Variants in SYK observed in about 807,000 individuals in gnomAD.
SYK encodes the protein spleen associated tyrosine kinase.
Under a neutral mutation model 77.8 loss-of-function variants are expected in SYK, and 16 were observed. The ratio of observed to expected loss-of-function variants is 0.21; its 90% CI spans 0.14 to 0.31. The LOEUF is 0.31. Among genes scored for constraint, SYK ranks in the 10% least tolerant of loss-of-function variants. The pLI, the probability that SYK is intolerant of heterozygous loss-of-function variation, is 1.00. For synonymous variants in SYK, 312 were observed against 308.7 expected (o/e 1.01, Z -0.11); for missense variants, 529 against 814.4 (o/e 0.65, Z 4.26).
At chr9:90,865,220 G>A (rs1279408309) in intron 6 of SYK, 123 bp downstream of exon 6, 31 of 959,406 alleles carry the variant, frequency 3.2e-5, no homozygotes, top group East Asian at 1.7e-4. Context: ...AACATACTCC[G>A]TGATGAGCTG....
At chr9:90,812,747 G>GTGTGTGTA (rs763897427) in intron 1 of SYK, among the ~76,000 whole-genome samples, 2,915 of 86,750 alleles carry the variant, frequency 0.034, 38 homozygotes, top group East Asian at 0.075. Context: ...TGATATGTGT[G>GTGTGTGTA]TGTGTGTGTG....
intron 1 of SYK, among the ~76,000 whole-genome samples, chr9:90,830,244 C>T (rs1050131175): frequency 2.0e-5 from 3 of 152,218 alleles, no homozygotes; most frequent in African/African-American, 7.2e-5. Flanking sequence ...CACAGGCAGG[C>T]CTCAGGATGG....
chr9:90,805,212 T>C (rs1824774407), intron 1 of SYK, among the ~76,000 whole-genome samples: 1 of 152,210 alleles, frequency 6.6e-6, no homozygotes, highest in African/African-American at 2.4e-5. Flanking sequence ...CAGTTAAGAA[T>C]GTTGATGATT....
intron 6 of SYK, among the ~76,000 whole-genome samples, chr9:90,866,056 A>G (rs2780710): frequency 0.85 from 129,592 of 152,014 alleles, 55,760 homozygotes; most frequent in African/African-American, 0.96. Context: ...CCGCCACAAC[A>G]CCCGGCTAAT....
At chr9:90,846,035 C>A (rs1362304414) in intron 3 of SYK, among the ~76,000 whole-genome samples, 1 of 152,182 alleles carries the variant, frequency 6.6e-6, no homozygotes, top group Non-Finnish European at 1.5e-5. Context: ...AGGAAAAGTT[C>A]CTGGGAGTAG....
chr9:90,819,652 C>G (rs907766511), intron 1 of SYK, among the ~76,000 whole-genome samples: 2 of 152,038 alleles, frequency 1.3e-5, no homozygotes, highest in African/African-American at 4.8e-5. Flanking sequence ...CCTTGGGTCC[C>G]TCCCATAACA....
chr9:90,897,744 T>A lies in SYK; in HGVS notation c.*2144T>A, dbSNP rs1829046603. 2 of 223,424 alleles carry A rather than the reference T, an allele frequency of 9.0e-6. No individual in the cohort carries two copies. Among genetic ancestry groups the A allele is most frequent in the South Asian group, 3.7e-4 (2 of 5,438 alleles). The allele number at this position is 223,424 out of a possible 1,614,324, so 13.8% of individuals were successfully genotyped here. ...CAGGGGCCTCACCTCCCTGCAGAGG[T>A]CCGGCCAGGTCTCCTTGTCCCTGGA... is the stretch of plus-strand genomic sequence containing the variant. On this transcript the variant is annotated 3_prime_UTR_variant, in exon 14 of 14. Coordinates refer to ENST00000375754, the MANE Select transcript of SYK (RefSeq NM_003177.7).
chr9:90,806,860 G>A (rs536249515), intron 1 of SYK, among the ~76,000 whole-genome samples: 8 of 152,090 alleles, frequency 5.3e-5, no homozygotes, highest in African/African-American at 1.7e-4. Flanking sequence ...TATTATATAC[G>A]ACACCAACAT....
chr9:90,836,453 G>A (rs1171679117), intron 1 of SYK, among the ~76,000 whole-genome samples: 1 of 152,078 alleles, frequency 6.6e-6, no homozygotes, highest in African/African-American at 2.4e-5. Flanking sequence ...CACAGTCGAG[G>A]AAAATGTAAA....
At chr9:90,884,972 TATATATACCCA>T (rs1828505133) in intron 11 of SYK, among the ~76,000 whole-genome samples, 4 of 132,710 alleles carry the variant, frequency 3.0e-5, no homozygotes, top group Non-Finnish European at 4.7e-5. Flanking sequence ...TGTGTATATA[TATATATACCCA>T]ACATATATAT....
intron 11 of SYK, among the ~76,000 whole-genome samples, chr9:90,883,783 C>G (rs934222863): frequency 6.6e-6 from 1 of 152,068 alleles, no homozygotes; most frequent in African/African-American, 2.4e-5. Flanking sequence ...CACATCACAC[C>G]CACTCCCCAG....
intron 13 of SYK, among the ~76,000 whole-genome samples, chr9:90,892,672 G>GT (rs1284887085): frequency 2.6e-5 from 4 of 152,214 alleles, no homozygotes; most frequent in Admixed American, 2.0e-4. Context: ...CCACTGTAGT[G>GT]TTTTCCAGAG....
chr9:90,897,785 C>T lies in SYK; in HGVS notation c.*2185C>T, dbSNP rs1236217972. ...TGTCCCTGGACAATCTCCTGAGCCTCTCTGCTTGGTGGAGCAGGCACCTGT... is the reference window on the plus strand; with the variant it reads ...TGTCCCTGGACAATCTCCTGAGCCTTTCTGCTTGGTGGAGCAGGCACCTGT... On this transcript the variant is annotated 3_prime_UTR_variant, in exon 14 of 14. Transcript: ENST00000375754. 2.7e-5 allele frequency: 6 copies of T among 222,858 alleles called. No individual in the cohort carries two copies. Among genetic ancestry groups the T allele is most frequent in the Non-Finnish European group, 4.5e-5 (5 of 111,624 alleles). 13.8% of individuals were successfully genotyped at this position (222,858 alleles called of 1,614,324 possible).
chr9:90,853,166 C>A (rs534637079), intron 3 of SYK, among the ~76,000 whole-genome samples: 24 of 150,214 alleles, frequency 1.6e-4, no homozygotes, highest in Non-Finnish European at 3.0e-4. Context: ...GAATGGTGGC[C>A]ACTACTTGGA....
At chr9:90,805,148 C>T (rs778053119) in intron 1 of SYK, among the ~76,000 whole-genome samples, 34 of 152,170 alleles carry the variant, frequency 2.2e-4, no homozygotes, top group South Asian at 2.1e-4. Context: ...TGGGACACCA[C>T]GTATTGATTT....
chr9:90,862,173 C>T, intron 3 of SYK, 33 bp from the exon 4 acceptor site: 1 of 1,570,080 alleles, frequency 6.4e-7, no homozygotes, highest in Non-Finnish European at 8.7e-7. Context: ...ACTGGCGGGC[C>T]TGGGGATGAT....
At chr9:90,854,396 G>A (rs1263149371) in intron 3 of SYK, among the ~76,000 whole-genome samples, 1 of 152,128 alleles carries the variant, frequency 6.6e-6, no homozygotes, top group South Asian at 2.1e-4. Flanking sequence ...GAGCCTCAGC[G>A]ATCTGAGAGG....
At chr9:90,817,845 T>TGTGTGTGTG (rs1825344010) in intron 1 of SYK, among the ~76,000 whole-genome samples, 1 of 137,548 alleles carries the variant, frequency 7.3e-6, no homozygotes, top group East Asian at 2.3e-4. Flanking sequence ...CTCAATAATG[T>TGTGTGTGTG]TGTGTGTGTG....
intron 8 of SYK, 111 bp from the exon 9 acceptor site, chr9:90,874,561 C>T: frequency 1.5e-6 from 2 of 1,334,062 alleles, no homozygotes; most frequent in South Asian, 1.4e-5. Context: ...TCATCCCTTG[C>T]AACATTGATG....
Sources: gnomAD v4.1 joint callset for allele counts (sites outside exome capture counted in the v4.1 genomes callset) on GRCh38, gnomAD v4.1.1 for gene constraint, MANE v1.5 for transcripts, NCBI Gene and HGNC (gene_info 2026-07-23, HGNC 2026-07-21) for gene names.